RCC1: variants seen among roughly 807,000 people sequenced by gnomAD.
RCC1 encodes the protein regulator of chromosome condensation 1.
RCC1 carries 11 observed loss-of-function variants against 44.4 expected under a neutral mutation model. The observed-to-expected ratio is 0.25, with a 90% CI of 0.16 to 0.41. RCC1 has a LOEUF of 0.41. RCC1 is among the 10% of genes least tolerant of loss of function. RCC1 has a pLI of 1.00. For missense variants in RCC1, 386 were observed against 547.1 expected (o/e 0.71, Z 2.94); for synonymous variants, 213 against 216.5 (o/e 0.98, Z 0.14).
chr1:28,536,306 T>C lies in RCC1; in HGVS notation c.862T>C (p.Ser288Pro). ...ESCFIPQNLT[S>P]FKNSTKSWVG... is the part of the protein sequence containing the mutation. ...TTGCTTCATACCCCAGAACCTAACA[T>C]CCTTCAAGAATTCCACCAAGTCCTG... Residue 288 changes from serine (S) to proline (P), a missense_variant, in exon 11 of 13, where the codon TCC becomes CCC. Ser to Pro is a moderately conservative substitution (Grantham distance 74). Coordinates refer to ENST00000683442, the MANE Select transcript of RCC1 (RefSeq NM_001381865.2). The surrounding 1 kb of genome is among the most constrained non-coding windows in gnomAD (Gnocchi z 4.9). 2 of 1,614,038 alleles carry C rather than the reference T, an allele frequency of 1.2e-6. No homozygotes were observed.
intron 4 of RCC1, among the ~76,000 whole-genome samples, chr1:28,528,061 T>A (rs963271811): frequency 6.6e-6 from 1 of 151,062 alleles, no homozygotes; most frequent in African/African-American, 2.4e-5. Context: ...GGCTCACGCC[T>A]GTAATCCCAG....
chr1:28,534,472 G>T (rs189253935), intron 7 of RCC1, among the ~76,000 whole-genome samples: 2 of 152,228 alleles, frequency 1.3e-5, no homozygotes, highest in African/African-American at 4.8e-5. Flanking sequence ...GAGCCACCGC[G>T]CCCGGCCTCT....
chr1:28,513,204 T>C (rs1253388260), intron 3 of RCC1, among the ~76,000 whole-genome samples: 1 of 151,952 alleles, frequency 6.6e-6, no homozygotes, highest in Non-Finnish European at 1.5e-5. Context: ...GCCCAGCTAA[T>C]TTTTTTGTAT....
At chr1:28,507,288 G>C (rs1662035979) in intron 1 of RCC1, 1 of 495,544 alleles carries the variant, frequency 2.0e-6, no homozygotes, top group African/African-American at 1.9e-5. Context: ...TTGCTTTCTT[G>C]TTTAAGATCT....
At chr1:28,514,102 GGTTGCAGTGA>G (rs1180076913) in intron 3 of RCC1, among the ~76,000 whole-genome samples, 2 of 151,742 alleles carry the variant, frequency 1.3e-5, no homozygotes, top group Non-Finnish European at 2.9e-5. Flanking sequence ...TGGAAGCAGA[GGTTGCAGTGA>G]GCTGAGATCG....
At chr1:28,506,216 TGA>T in intron 1 of RCC1, 132 bp downstream of exon 1, 3 of 436,926 alleles carry the variant, frequency 6.9e-6, no homozygotes, top group Admixed American at 2.7e-5. Flanking sequence ...TTTTTTTTTT[TGA>T]GACGGAGTCG....
chr1:28,511,821 C>T (rs1194525480), intron 3 of RCC1, among the ~76,000 whole-genome samples: 2 of 151,254 alleles, frequency 1.3e-5, no homozygotes, highest in East Asian at 2.0e-4. Flanking sequence ...CCACCATGCC[C>T]GGCTAATTTT....
intron 1 of RCC1, chr1:28,507,567 C>T: frequency 1.9e-6 from 1 of 514,854 alleles, no homozygotes; most frequent in Non-Finnish European, 3.9e-6. Flanking sequence ...ATGCAGGAAA[C>T]AGCCTTCTAG....
intron 4 of RCC1, among the ~76,000 whole-genome samples, chr1:28,521,308 T>A (rs1172307342): frequency 6.6e-6 from 1 of 151,764 alleles, no homozygotes; most frequent in African/African-American, 2.4e-5. Flanking sequence ...GAGACCATCC[T>A]GGCTAACACG....
intron 1 of RCC1, chr1:28,507,136 ATTG>A (rs1303532206): frequency 3.7e-6 from 1 of 270,446 alleles, no homozygotes; most frequent in Non-Finnish European, 7.5e-6. Context: ...GCTGGGCCTA[ATTG>A]TTGTCTTTGC....
At chr1:28,533,815 G>A (rs1443183291) in intron 7 of RCC1, among the ~76,000 whole-genome samples, 3 of 91,378 alleles carry the variant, frequency 3.3e-5, no homozygotes, top group Admixed American at 1.2e-4. Context: ...CAGAATATCA[G>A]AATTATATTT....
chr1:28,507,226 C>G (rs569612395), intron 1 of RCC1: 1 of 423,034 alleles, frequency 2.4e-6, no homozygotes, highest in African/African-American at 2.0e-5. Flanking sequence ...TGTTACCAGT[C>G]TAGAAACCGA....
chr1:28,506,349 C>A, intron 1 of RCC1: 1 of 393,610 alleles, frequency 2.5e-6, no homozygotes, highest in Non-Finnish European at 5.0e-6. Context: ...CACGCCCGGC[C>A]AATTTTTGTA....
At chr1:28,523,662 T>G (rs1296917915) in intron 4 of RCC1, among the ~76,000 whole-genome samples, 1 of 152,196 alleles carries the variant, frequency 6.6e-6, no homozygotes, top group African/African-American at 2.4e-5. Flanking sequence ...TGTGCTGACA[T>G]AATTGTTTCC....
At chr1:28,529,749 TGTTGG>T in intron 4 of RCC1, 104 bp from the exon 5 acceptor site, 1 of 795,796 alleles carries the variant, frequency 1.3e-6, no homozygotes, top group African/African-American at 1.7e-5. Context: ...GAAGTGGAAT[TGTTGG>T]GCAATTCCTC....
Position 28,516,761 on chromosome 1 carries a change from G to C in RCC1, c.-116G>C. On this transcript the variant is annotated 5_prime_UTR_variant, in exon 4 of 13. Transcript: ENST00000683442. ...TGTAAGATCTTGGAGGAAGACAGCA[G>C]AGAGAGAGAGAGAGATCAGAGATCC... The C allele has an allele frequency of 9.2e-6, 2 of 218,280 alleles. No homozygotes were observed. Among genetic ancestry groups the C allele is most frequent in the Non-Finnish European group, 1.9e-5 (2 of 102,920 alleles). The allele number at this position is 218,280 out of a possible 1,614,324, so 13.5% of individuals were successfully genotyped here.
At chr1:28,516,028 C>T (rs1168292357) in intron 3 of RCC1, among the ~76,000 whole-genome samples, 1 of 151,666 alleles carries the variant, frequency 6.6e-6, no homozygotes, top group Non-Finnish European at 1.5e-5. Context: ...ACTAAAAATA[C>T]AAAAATTAGC....
At chr1:28,507,509 T>C (rs1294654181) in intron 1 of RCC1, 1 of 518,986 alleles carries the variant, frequency 1.9e-6, no homozygotes, top group South Asian at 1.4e-5. Context: ...GCCTGCATAT[T>C]CCTACAGCTT....
Position 28,537,958 on chromosome 1 carries a change from G to T in RCC1, c.1217G>T (p.Ser406Ile), listed in dbSNP as rs776860757. 4 of 1,613,894 alleles carry T rather than the reference G, an allele frequency of 2.5e-6. No individual in the cohort carries two copies. Among genetic ancestry groups the T allele is most frequent in the Non-Finnish European group, 2.5e-6 (3 of 1,179,994 alleles). The change falls in exon 13 of 13, where the codon AGC (serine) becomes ATC (isoleucine). Residue 406 changes from serine (S) to isoleucine (I), a missense_variant. Ser to Ile is a moderately radical substitution (Grantham distance 142). Coordinates refer to ENST00000683442, the MANE Select transcript of RCC1 (RefSeq NM_001381865.2). Reference sequence around the variant, plus strand: ...AACCGTGTGGTCTTATCTGTGTCCAGCGGGGGCCAGCATACAGTCTTATTA... The same window carrying T: ...AACCGTGTGGTCTTATCTGTGTCCATCGGGGGCCAGCATACAGTCTTATTA... Reference protein sequence around the residue: ...LENRVVLSVSSGGQHTVLLVK... With the variant: ...LENRVVLSVSIGGQHTVLLVK...
Sources: allele counts gnomAD v4.1 joint callset (sites outside exome capture counted in the v4.1 genomes callset), GRCh38; gene constraint gnomAD v4.1.1; non-coding constraint Gnocchi (gnomAD v3.1); transcripts MANE v1.5; gene names NCBI Gene and HGNC (gene_info 2026-07-23, HGNC 2026-07-21).